CDON: variants seen among roughly 807,000 people sequenced by gnomAD.
CDON encodes the protein cell adhesion molecule-related/down-regulated by oncogenes.
A neutral mutation model predicts 120.9 loss-of-function variants in CDON; 73 were observed. The observed-to-expected ratio is 0.60, with a 90% CI of 0.50 to 0.73. CDON has a LOEUF of 0.73. Among genes scored for constraint, CDON ranks in the 30% least tolerant of loss-of-function variants. The probability of loss-of-function intolerance (pLI) is 0.00; values close to 1 mark genes in which losing one functional copy is unlikely to be tolerated. For synonymous variants in CDON, 566 were observed against 573.5 expected, an observed-to-expected ratio of 0.99 and a Z score of 0.19; for missense variants, 1,470 against 1,587.3, an observed-to-expected ratio of 0.93 and a Z score of 1.26.
rs71048763 is a variant in CDON, at chr11:126,040,814, C to CAAAAAAA, written c.-61-17284_-61-17278dup. ...CGGGCAACAGAGAAAGACTCCGTCT[C>CAAAAAAA]AAAAAAAAAAAAAAAAAAAAAAAAA... On this transcript the variant is annotated intron_variant, in intron 1 of 19. Coordinates refer to ENST00000531738, the MANE Select transcript of CDON (RefSeq NM_001378964.1). Among the ~76,000 whole-genome samples the CAAAAAAA allele has an allele frequency of 1.4e-3, 63 of 45,016 alleles. 1 individual carries two copies. Among genetic ancestry groups the CAAAAAAA allele is most frequent in the African/African-American group, 2.2e-3 (27 of 12,214 alleles). 29.5% of individuals were successfully genotyped at this position (45,016 alleles called of 152,430 possible).
Position 126,020,939 on chromosome 11 carries a change from G to A in CDON, c.349+309C>T, listed in dbSNP as rs75741485. On this transcript the variant is annotated intron_variant, in intron 3 of 19. Coordinates refer to ENST00000531738, the MANE Select transcript of CDON (RefSeq NM_001378964.1). ...CAAGCACTCACAAAGAAATTGTTCA[G>A]AATTCACATTTAAAAAGTGTCCTTC... is the stretch of plus-strand genomic sequence containing the variant. Among the ~76,000 whole-genome samples, 32,408 of 150,768 alleles carry A rather than the reference G, an allele frequency of 0.21. 3,641 individuals are homozygous for A. The highest frequency in any genetic ancestry group is 0.34 in the Middle Eastern group (101 of 294).
chr11:125,974,288 T>C (rs1946087516), intron 18 of CDON, among the ~76,000 whole-genome samples: 1 of 150,710 alleles, frequency 6.6e-6, no homozygotes, highest in African/African-American at 2.4e-5. Context: ...CACTGCCATA[T>C]CCCCAGTACC....
chr11:125,976,075 T>C (rs1190250706), intron 18 of CDON, among the ~76,000 whole-genome samples: 2 of 152,370 alleles, frequency 1.3e-5, no homozygotes, highest in African/African-American at 2.4e-5. Flanking sequence ...AAATTGACTA[T>C]AATTTTCTAT....
rs775997399 is a variant in CDON at position 126,004,061 on chromosome 11, C to T, written c.1867G>A (p.Gly623Ser). The T allele has an allele frequency of 1.2e-6, 2 of 1,613,924 alleles. No homozygotes were observed. The highest frequency in any genetic ancestry group is 2.2e-5 in the South Asian group (2 of 91,070). Residue 623 changes from glycine (G) to serine (S), a missense_variant, in exon 10 of 20, where the codon GGC becomes AGC. Physicochemically the swap from Gly to Ser is moderately conservative, Grantham distance 56. Transcript: ENST00000531738. Reference protein sequence around the residue: ...VKYRKLDDGVGMLGSWHTVRV... With the variant: ...VKYRKLDDGVSMLGSWHTVRV... Reference sequence around the variant, plus strand: ...ACCGTGTGCCAGCTTCCCAGCATGCCAACCCCATCATCCAGCTGCCCAAGA... The same window carrying T: ...ACCGTGTGCCAGCTTCCCAGCATGCTAACCCCATCATCCAGCTGCCCAAGA...
intron 19 of CDON, 132 bp downstream of exon 19, chr11:125,961,592 C>A: frequency 4.0e-6 from 5 of 1,241,424 alleles, no homozygotes; most frequent in Non-Finnish European, 5.6e-6. Context: ...GGACCCAGCA[C>A]CCCACCCAGT....
intron 1 of CDON, among the ~76,000 whole-genome samples, chr11:126,026,800 A>G (rs575950659): frequency 1.3e-5 from 2 of 152,366 alleles, no homozygotes; most frequent in Admixed American, 1.3e-4. Context: ...ACCACTGGAA[A>G]GCAGTCAAGG....
chr11:126,030,622 ACAAT>A (rs1555133711), intron 1 of CDON, among the ~76,000 whole-genome samples: 4 of 152,216 alleles, frequency 2.6e-5, no homozygotes, highest in Non-Finnish European at 5.9e-5. Context: ...CGATTTTCAA[ACAAT>A]CTATCTCAAA....
chr11:126,025,078 A>C (rs1442989659), intron 1 of CDON, among the ~76,000 whole-genome samples: 1 of 152,000 alleles, frequency 6.6e-6, no homozygotes, highest in East Asian at 1.9e-4. Flanking sequence ...GGTGGCATGC[A>C]CCTGTAATCC....
In CDON at chr11:125,959,025, A is replaced by G. The variant is rs1358843017; in HGVS notation, c.*1917T>C. ...TAACTGCATTTAAGCAACATGAAGAATAAATCCAGTATACTATAGGCACGG... is the reference window on the plus strand; with the variant it reads ...TAACTGCATTTAAGCAACATGAAGAGTAAATCCAGTATACTATAGGCACGG... On this transcript the variant is annotated 3_prime_UTR_variant, in exon 20 of 20. Transcript: ENST00000531738. The G allele has an allele frequency of 6.6e-6, 1 of 152,226 alleles. No homozygotes were observed. The highest frequency in any genetic ancestry group is 1.5e-5 in the Non-Finnish European group (1 of 68,040). 9.4% of individuals were successfully genotyped at this position (152,226 alleles called of 1,614,324 possible). A position where few individuals can be genotyped will look rare whatever the true frequency, so the allele number is the denominator to read the frequency against.
At chr11:126,055,191 C>G (rs1948653607) in intron 1 of CDON, among the ~76,000 whole-genome samples, 1 of 152,098 alleles carries the variant, frequency 6.6e-6, no homozygotes, top group South Asian at 2.1e-4. Flanking sequence ...GCAGTTTAAG[C>G]AGGAGTTGCA....
Position 125,970,594 on chromosome 11 carries a change from C to CG in CDON, c.3356+7709dup, listed in dbSNP as rs1945952707. Among the ~76,000 whole-genome samples, 5 of 152,286 alleles carry CG rather than the reference C, an allele frequency of 3.3e-5. No individual in the cohort carries two copies. In the South Asian group the frequency reaches 1.0e-3, roughly 32 times the overall value. ...ACTACCTAAAGAACCCTGATGGCAC[C>CG]GCTCCAGGGCCATGGCCGTCTTCCC... is the stretch of plus-strand genomic sequence containing the variant. On this transcript the variant is annotated intron_variant, in intron 18 of 19. Coordinates refer to ENST00000531738, the MANE Select transcript of CDON (RefSeq NM_001378964.1).
intron 5 of CDON, among the ~76,000 whole-genome samples, chr11:126,017,708 T>C (rs74688757): frequency 2.7e-5 from 4 of 148,002 alleles, no homozygotes; most frequent in African/African-American, 5.0e-5. Flanking sequence ...ACATATCTCT[T>C]TTTTTTTTTT....
At chr11:126,047,008 A>C (rs1319651376) in intron 1 of CDON, among the ~76,000 whole-genome samples, 1 of 152,254 alleles carries the variant, frequency 6.6e-6, no homozygotes, top group East Asian at 1.9e-4. Context: ...TGAAAATTCC[A>C]GGAAGTAATG....
chr11:125,972,365 T>C (rs1367928399), intron 18 of CDON, among the ~76,000 whole-genome samples: 1 of 151,858 alleles, frequency 6.6e-6, no homozygotes, highest in African/African-American at 2.4e-5. Context: ...GAAGCGGCGT[T>C]GCAGTGAGCC....
intron 2 of CDON, 125 bp from the exon 3 acceptor site, chr11:126,021,645 G>A (rs1314888041): frequency 5.8e-6 from 5 of 866,960 alleles, no homozygotes; most frequent in Non-Finnish European, 6.9e-6. Context: ...TTTTATATAT[G>A]TTATGGTTCT....
At chr11:125,962,813 G>T (rs1436529626) in intron 18 of CDON, among the ~76,000 whole-genome samples, 2 of 151,994 alleles carry the variant, frequency 1.3e-5, no homozygotes, top group African/African-American at 4.8e-5. Flanking sequence ...TACCGGCTCT[G>T]TTTATCGGCT....
At chr11:125,986,285 TG>T (rs1946456272) in intron 15 of CDON, among the ~76,000 whole-genome samples, 1 of 151,170 alleles carries the variant, frequency 6.6e-6, no homozygotes, top group Non-Finnish European at 1.5e-5. Context: ...CATCACACAC[TG>T]GGGCCTGTCA....
At chr11:126,002,191 A>G (rs1287127774) in intron 10 of CDON, among the ~76,000 whole-genome samples, 2 of 152,230 alleles carry the variant, frequency 1.3e-5, no homozygotes, top group African/African-American at 4.8e-5. Context: ...ATTCTAAGCT[A>G]TAAAACTCAC....
intron 1 of CDON, among the ~76,000 whole-genome samples, chr11:126,024,448 C>G (rs75479549): frequency 0.047 from 7,165 of 152,226 alleles, 239 homozygotes; most frequent in Middle Eastern, 0.078. Context: ...ACGGTCGACC[C>G]AACAGGACAT....
Sources: allele counts gnomAD v4.1 joint callset (sites outside exome capture counted in the v4.1 genomes callset), GRCh38; gene constraint gnomAD v4.1.1; transcripts MANE v1.5; gene names NCBI Gene and HGNC (gene_info 2026-07-23, HGNC 2026-07-21).